Variants in ASTN2 observed in about 807,000 individuals in gnomAD.
ASTN2 encodes astrotactin-2.
A neutral mutation model predicts 139.8 loss-of-function variants in ASTN2; 54 were observed. The ratio of observed to expected loss-of-function variants is 0.39; its 90% CI spans 0.31 to 0.48. The LOEUF (loss-of-function observed/expected upper bound fraction) is 0.48. Ranked by LOEUF, ASTN2 falls within the 20% of genes least tolerant of loss-of-function variation. The pLI is 0.95. For synonymous variants in ASTN2, 756 were observed against 719.5 expected (o/e 1.05, Z -0.81); for missense variants, 1,565 against 1,725.1 (o/e 0.91, Z 1.64).
At chr9:116,489,820 T>C (rs893321222) in intron 19 of ASTN2, among the ~76,000 whole-genome samples, 1 of 152,168 alleles carries the variant, frequency 6.6e-6, no homozygotes, top group East Asian at 1.9e-4. Context: ...TTTCTATTTT[T>C]CACGAAGACA....
At position 116,769,800 on chromosome 9, in the gene ASTN2, G is replaced by A. The variant is rs141495075; in HGVS notation, c.2396+35832C>T. On this transcript the variant is annotated intron_variant, in intron 13 of 22. Transcript: ENST00000313400. ...TGGCTCATGCCTATAATCCCAACAC[G>A]TTGCAAGGTCGAGGCAGGAGAATCA... 4.1e-4 allele frequency among the ~76,000 whole-genome samples: 62 copies of A among 152,174 alleles called. No individual in the cohort carries two copies. The East Asian group carries it at 0.011, about 27-fold the overall frequency.
intron 17 of ASTN2, among the ~76,000 whole-genome samples, chr9:116,628,889 G>A (rs1426953607): frequency 6.6e-6 from 1 of 152,112 alleles, no homozygotes; most frequent in East Asian, 1.9e-4. Context: ...TCTAGAGAAA[G>A]TCTATTTGAC....
intron 11 of ASTN2, 127 bp downstream of exon 11, chr9:116,863,456 C>T (rs762825903): frequency 4.3e-5 from 53 of 1,238,812 alleles, no homozygotes; most frequent in East Asian, 7.7e-5. Context: ...TACTGAAGGC[C>T]GCAGAGGCAG....
chr9:117,276,087 G>A (rs1167893806), intron 2 of ASTN2, among the ~76,000 whole-genome samples: 1 of 152,144 alleles, frequency 6.6e-6, no homozygotes, highest in Non-Finnish European at 1.5e-5. Context: ...TTCTATTAAT[G>A]TTAGTTGGTC....
intron 2 of ASTN2, among the ~76,000 whole-genome samples, chr9:117,242,424 C>T (rs147205855): frequency 1.3e-3 from 201 of 152,152 alleles, no homozygotes; most frequent in African/African-American, 4.6e-3. Flanking sequence ...AAAGTCGGGA[C>T]GAGTCTGGAA....
chr9:116,504,231 T>A (rs1850009544), intron 19 of ASTN2: 1 of 152,212 alleles, frequency 6.6e-6, no homozygotes, highest in South Asian at 2.1e-4. Context: ...CAATGATTAA[T>A]ACATGTTTAT....
chr9:116,525,798 A>G (rs1851065101), intron 19 of ASTN2, among the ~76,000 whole-genome samples: 1 of 152,140 alleles, frequency 6.6e-6, no homozygotes, highest in Admixed American at 6.5e-5. Flanking sequence ...ATAATTATCC[A>G]TGGGCCTGAG....
intron 1 of ASTN2, among the ~76,000 whole-genome samples, chr9:117,322,194 CAG>C (rs1828348161): frequency 6.6e-6 from 1 of 152,084 alleles, no homozygotes; most frequent in Admixed American, 6.5e-5. Context: ...CTCTGTTTGA[CAG>C]CAAGTTGTAC....
intron 1 of ASTN2, among the ~76,000 whole-genome samples, chr9:117,360,457 GC>G (rs1457472550): frequency 6.6e-6 from 1 of 152,030 alleles, no homozygotes; most frequent in African/African-American, 2.4e-5. Flanking sequence ...AGAGATCCAG[GC>G]AAAAAAGTGG....
At chr9:116,655,573 C>T (rs1858160641) in intron 16 of ASTN2, among the ~76,000 whole-genome samples, 1 of 152,162 alleles carries the variant, frequency 6.6e-6, no homozygotes, top group African/African-American at 2.4e-5. Flanking sequence ...ATTCTTTCTT[C>T]CACCCCATCT....
At chr9:116,704,581 A>G (rs749311225) in intron 16 of ASTN2, among the ~76,000 whole-genome samples, 4 of 152,254 alleles carry the variant, frequency 2.6e-5, no homozygotes, top group Non-Finnish European at 4.4e-5. Context: ...AGGGGGCAAA[A>G]GCATCCTTCC....
rs1031474181 is a variant in ASTN2 at position 116,988,332 on chromosome 9, T to C, written c.1592-11547A>G. Among the ~76,000 whole-genome samples the C allele has an allele frequency of 6.6e-5, 10 of 152,194 alleles. 1 individual carries two copies. The highest frequency in any genetic ancestry group is 5.9e-4 in the Admixed American group (9 of 15,276). Reference sequence around the variant, plus strand: ...TGCCCACTCTTCTCATTGAGCAACATGAAAAATGGGCTCCATAAGTATCAC... The same window carrying C: ...TGCCCACTCTTCTCATTGAGCAACACGAAAAATGGGCTCCATAAGTATCAC... On this transcript the variant is annotated intron_variant, in intron 7 of 22. Transcript: ENST00000313400.
intron 13 of ASTN2, among the ~76,000 whole-genome samples, chr9:116,787,940 G>A (rs1830420852): frequency 6.6e-6 from 1 of 152,042 alleles, no homozygotes; most frequent in African/African-American, 2.4e-5. Context: ...CAGGGTATAT[G>A]GAAACTCTCT....
chr9:117,342,276 T>C (rs1587964649), intron 1 of ASTN2, among the ~76,000 whole-genome samples: 1 of 152,336 alleles, frequency 6.6e-6, no homozygotes, highest in East Asian at 1.9e-4. Flanking sequence ...ATTCTGCCAC[T>C]TCTAGATGCT....
At chr9:116,714,744 G>C (rs903900015) in intron 16 of ASTN2, among the ~76,000 whole-genome samples, 1 of 152,112 alleles carries the variant, frequency 6.6e-6, no homozygotes, top group Non-Finnish European at 1.5e-5. Flanking sequence ...CTGAGTTCCT[G>C]CTATGAGCCA....
chr9:116,844,678 TA>T (rs1330450693), intron 11 of ASTN2, among the ~76,000 whole-genome samples: 1 of 152,188 alleles, frequency 6.6e-6, no homozygotes, highest in Non-Finnish European at 1.5e-5. Flanking sequence ...CTGATTGTTA[TA>T]AAAGTTGCTA....
intron 19 of ASTN2, among the ~76,000 whole-genome samples, chr9:116,605,861 T>C (rs1855166983): frequency 2.6e-5 from 4 of 152,096 alleles, no homozygotes; most frequent in Admixed American, 1.3e-4. Flanking sequence ...AATCTTTGAA[T>C]GTAGTGGATG....
chr9:116,999,176 A>C (rs1457132898), intron 7 of ASTN2, among the ~76,000 whole-genome samples: 1 of 152,202 alleles, frequency 6.6e-6, no homozygotes, highest in African/African-American at 2.4e-5. Context: ...TGTTTCAATC[A>C]TACTTACATG....
rs1359426618 is a variant in ASTN2, at chr9:116,651,700, T to A, written c.2900A>T (p.Asp967Val). The A allele has an allele frequency of 5.6e-6, 9 of 1,614,174 alleles. No individual in the cohort carries two copies. Among genetic ancestry groups the A allele is most frequent in the Non-Finnish European group, 1.7e-6 (2 of 1,180,036 alleles). ...AATCTCCACACCTGAAATGAGCTGG[T>A]CATCTGACAGCATCTGGGCTGTCAG... ...GLLTAQMLSD[D>V]QLISGVEIRC... The change falls in exon 17 of 23, where the codon GAC becomes GTC. Residue 967 changes from aspartate (D) to valine (V), a missense_variant. Coordinates refer to ENST00000313400, the MANE Select transcript of ASTN2 (RefSeq NM_001365068.1).
Sources: allele counts gnomAD v4.1 joint callset (sites outside exome capture counted in the v4.1 genomes callset), GRCh38; gene constraint gnomAD v4.1.1; transcripts MANE v1.5; gene names NCBI Gene and HGNC (gene_info 2026-07-23, HGNC 2026-07-21).